SHROOM4: variants seen among roughly 807,000 people sequenced by gnomAD.
The protein encoded by SHROOM4 is shroom family member 4, also known as protein Shroom4.
SHROOM4 carries 17 observed loss-of-function variants against 80.3 expected under a neutral mutation model. That is an observed-to-expected ratio of 0.21 (90% CI 0.14 to 0.32). The LOEUF (loss-of-function observed/expected upper bound fraction) is 0.32, where lower values mean the gene tolerates loss of function less well. Among genes scored for constraint, SHROOM4 ranks in the 10% least tolerant of loss-of-function variants. The pLI is 1.00. For synonymous variants in SHROOM4, 400 were observed against 437.5 expected (o/e 0.91, Z 1.07); for missense variants, 993 against 1,140.3 (o/e 0.87, Z 1.86).
chrX:50,696,549 TAAC>T (rs782135465), intron 1 of SHROOM4, among the ~76,000 whole-genome samples: 14 of 112,548 alleles, frequency 1.2e-4, no homozygotes, highest in Non-Finnish European at 2.6e-4. Context: ...CTGATTATTA[TAAC>T]AAGGGAGTTG....
chrX:50,680,218 A>T (rs1188158607), intron 2 of SHROOM4, among the ~76,000 whole-genome samples: 1 of 111,688 alleles, frequency 9.0e-6, no homozygotes, highest in Non-Finnish European at 1.9e-5. Context: ...CCAGGGCTCA[A>T]TACAAGGACC....
chrX:50,728,203 C>CA (rs1280092096), intron 1 of SHROOM4, among the ~76,000 whole-genome samples: 1 of 110,351 alleles, frequency 9.1e-6, no homozygotes, highest in Non-Finnish European at 1.9e-5. Flanking sequence ...ACTAAAAATA[C>CA]AAAAAATTAG....
chrX:50,635,573 T>A lies in SHROOM4; in HGVS notation c.500A>T (p.Gln167Leu). The A allele has an allele frequency of 8.3e-7, 1 of 1,209,957 alleles. No homozygotes were observed. Among genetic ancestry groups the A allele is most frequent in the Admixed American group, 2.2e-5 (1 of 45,809 alleles). ...CAACAGATGGCTCTCATAGGTGGCT[T>A]GGCCTGGTTGCTCCAGGCTCTCCAT... ...GSMESLEQPG[Q>L]ATYESHLLPI... Residue 167 changes from glutamine to leucine, a missense_variant, in exon 4 of 9, where the codon CAA becomes CTA. Gln to Leu is a moderately radical substitution (Grantham distance 113). Transcript: ENST00000376020.
chrX:50,765,990 C>T (rs963315099), intron 1 of SHROOM4, among the ~76,000 whole-genome samples: 12 of 111,949 alleles, frequency 1.1e-4, no homozygotes, highest in African/African-American at 3.9e-4. Flanking sequence ...TCACCGTCAT[C>T]ACCCTGTCTT....
In SHROOM4 at chrX:50,590,006, A is replaced by C. The variant is rs964026114; in HGVS notation, c.*6689T>G. On this transcript the variant is annotated 3_prime_UTR_variant, in exon 9 of 9. Coordinates refer to ENST00000376020, the MANE Select transcript of SHROOM4 (RefSeq NM_020717.5). ...GAAGTGGTATCTCATTGTGGTCTTG[A>C]TTTGCATTTCCCTAATGAATAGTAG... Among the ~76,000 whole-genome samples, 1 of 111,367 alleles carries C rather than the reference A, an allele frequency of 9.0e-6. No individual in the cohort carries two copies. Among genetic ancestry groups the C allele is most frequent in the African/African-American group, 3.3e-5 (1 of 30,626 alleles).
chrX:50,812,715 C>T (rs1936364802), intron 1 of SHROOM4, among the ~76,000 whole-genome samples: 1 of 107,854 alleles, frequency 9.3e-6, no homozygotes, highest in South Asian at 4.2e-4. Flanking sequence ...TTTGCTGAAC[C>T]CTCTGCTGAG....
chrX:50,716,478 CAATT>C (rs1269424212), intron 1 of SHROOM4, among the ~76,000 whole-genome samples: 1 of 111,530 alleles, frequency 9.0e-6, no homozygotes, highest in East Asian at 2.8e-4. Context: ...ATTTTTATGT[CAATT>C]AAAAATAATT....
intron 6 of SHROOM4, 77 bp from the exon 7 acceptor site, chrX:50,602,890 C>T: frequency 2.0e-6 from 2 of 980,427 alleles, no homozygotes; most frequent in Non-Finnish European, 2.9e-6. Flanking sequence ...ATTTCTCCAT[C>T]TGAAAAATGG....
At chrX:50,789,933 G>T (rs1351655440) in intron 1 of SHROOM4, among the ~76,000 whole-genome samples, 2 of 111,885 alleles carry the variant, frequency 1.8e-5, no homozygotes, top group African/African-American at 6.5e-5. Context: ...AACCTAGATG[G>T]TATAGCCTAT....
At chrX:50,781,989 A>T (rs1420180784) in intron 1 of SHROOM4, among the ~76,000 whole-genome samples, 1 of 111,784 alleles carries the variant, frequency 8.9e-6, no homozygotes, top group African/African-American at 3.3e-5. Flanking sequence ...CGGGCAGATC[A>T]CTTGAGGTCA....
chrX:50,692,076 G>C (rs1439385682), intron 2 of SHROOM4, among the ~76,000 whole-genome samples: 1 of 111,806 alleles, frequency 8.9e-6, no homozygotes, highest in Non-Finnish European at 1.9e-5. Context: ...GCTAGTCCAA[G>C]CCCATAATTA....
At position 50,593,146 on chromosome X, in the gene SHROOM4, T is replaced by A. The variant is rs1928947895; in HGVS notation, c.*3549A>T. On this transcript the variant is annotated 3_prime_UTR_variant, in exon 9 of 9. Transcript: ENST00000376020. ...CTGCTATTTAACTGGGGATGATGAA[T>A]GGTATAGCATCAATACCATCCCTCA... The A allele has an allele frequency of 1.8e-5, 2 of 112,133 alleles. No homozygotes were observed. The highest frequency in any genetic ancestry group is 6.5e-5 in the African/African-American group (2 of 30,747). 9.2% of individuals were successfully genotyped at this position (112,133 alleles called of 1,213,427 possible).
intron 6 of SHROOM4, among the ~76,000 whole-genome samples, chrX:50,606,953 A>G (rs1929697666): frequency 9.2e-6 from 1 of 108,337 alleles, no homozygotes; most frequent in African/African-American, 3.4e-5. Flanking sequence ...CTGGCCTCTT[A>G]TTCTGGAGGG....
chrX:50,615,937 T>C (rs1196513187), intron 5 of SHROOM4, among the ~76,000 whole-genome samples: 6 of 112,536 alleles, frequency 5.3e-5, no homozygotes, highest in Non-Finnish European at 9.4e-5. Flanking sequence ...CCTAATTCTA[T>C]TACTGGGCTG....
At chrX:50,611,852 G>A (rs988532193) in intron 5 of SHROOM4, among the ~76,000 whole-genome samples, 17 of 110,979 alleles carry the variant, frequency 1.5e-4, no homozygotes, top group Non-Finnish European at 2.5e-4. Flanking sequence ...CCTAGGAGGC[G>A]GAGGCTGCAG....
At chrX:50,788,449 T>C (rs1303826104) in intron 1 of SHROOM4, among the ~76,000 whole-genome samples, 1 of 109,770 alleles carries the variant, frequency 9.1e-6, no homozygotes, top group Non-Finnish European at 1.9e-5. Flanking sequence ...TACTAAAAAA[T>C]ACAAAAAATT....
chrX:50,811,601 A>G (rs1557273447), intron 1 of SHROOM4, among the ~76,000 whole-genome samples: 1 of 111,794 alleles, frequency 8.9e-6, no homozygotes, highest in Non-Finnish European at 1.9e-5. Flanking sequence ...AATAAAATCA[A>G]GGTTGAAAAA....
At chrX:50,735,880 G>A (rs1002349791) in intron 1 of SHROOM4, among the ~76,000 whole-genome samples, 7 of 109,462 alleles carry the variant, frequency 6.4e-5, no homozygotes, top group Admixed American at 5.9e-4. Context: ...GGTGGTGTGC[G>A]CCTACAGTCC....
chrX:50,807,628 T>C (rs148685732), intron 1 of SHROOM4, among the ~76,000 whole-genome samples: 1,678 of 112,151 alleles, frequency 0.015, 20 homozygotes, highest in Middle Eastern at 0.06. Flanking sequence ...ATTCCTTCTC[T>C]GTAACTTAAT....
Sources: gnomAD v4.1 joint callset for allele counts (sites outside exome capture counted in the v4.1 genomes callset) on GRCh38, gnomAD v4.1.1 for gene constraint, MANE v1.5 for transcripts, NCBI Gene and HGNC (gene_info 2026-07-23, HGNC 2026-07-21) for gene names.